Variants in DLC1 observed in about 807,000 individuals in gnomAD.
The protein encoded by DLC1 is DLC1 Rho GTPase activating protein.
In DLC1, 54 loss-of-function variants were observed where a neutral mutation model predicts 140.3. That is an observed-to-expected ratio of 0.38 (90% CI 0.31 to 0.48). The LOEUF is 0.48. Ranked by LOEUF, DLC1 falls within the 20% of genes least tolerant of loss-of-function variation. The probability of loss-of-function intolerance (pLI) is 0.96; values close to 1 mark genes in which losing one functional copy is unlikely to be tolerated. For synonymous variants in DLC1, 986 were observed against 728.1 expected (o/e 1.35, Z -5.70); for missense variants, 2,536 against 1,907.0 (o/e 1.33, Z -6.14).
At chr8:13,443,194 G>C (rs1427243784) in intron 2 of DLC1, among the ~76,000 whole-genome samples, 1 of 150,368 alleles carries the variant, frequency 6.7e-6, no homozygotes, top group African/African-American at 2.5e-5. Flanking sequence ...TCAGACACTG[G>C]GGCCTGTTGT....
chr8:13,309,683 T>G (rs1340402808), intron 4 of DLC1, among the ~76,000 whole-genome samples: 2 of 152,172 alleles, frequency 1.3e-5, no homozygotes, highest in Admixed American at 1.3e-4. Context: ...GTTGATTCTT[T>G]TGGTCTGCTG....
chr8:13,544,627 C>T (rs780194702), intron 1 of DLC1, among the ~76,000 whole-genome samples: 5 of 152,202 alleles, frequency 3.3e-5, no homozygotes, highest in African/African-American at 4.8e-5. Context: ...TGAGAGTAAT[C>T]ATAGAACTTT....
intron 4 of DLC1, among the ~76,000 whole-genome samples, chr8:13,332,591 C>A (rs1341212489): frequency 7.1e-6 from 1 of 141,750 alleles, no homozygotes; most frequent in Non-Finnish European, 1.5e-5. Context: ...CCACCACGCC[C>A]CGCTAATTTT....
At chr8:13,277,384 C>G (rs1043707949) in intron 5 of DLC1, among the ~76,000 whole-genome samples, 3 of 152,210 alleles carry the variant, frequency 2.0e-5, no homozygotes, top group Non-Finnish European at 4.4e-5. Context: ...CACATTTTCT[C>G]TCTAACCATA....
intron 2 of DLC1, among the ~76,000 whole-genome samples, chr8:13,430,612 C>G (rs923043563): frequency 6.6e-6 from 1 of 152,154 alleles, no homozygotes; most frequent in African/African-American, 2.4e-5. Flanking sequence ...ACACTTTCAA[C>G]TTGAAAACAT....
intron 4 of DLC1, among the ~76,000 whole-genome samples, chr8:13,326,068 T>C (rs1356529554): frequency 6.6e-6 from 1 of 152,196 alleles, no homozygotes; most frequent in Non-Finnish European, 1.5e-5. Flanking sequence ...ACCATATAGG[T>C]TTGTGTAAGT....
intron 5 of DLC1, among the ~76,000 whole-genome samples, chr8:13,281,331 G>C (rs933887784): frequency 1.3e-5 from 2 of 152,128 alleles, no homozygotes; most frequent in African/African-American, 4.8e-5. Flanking sequence ...AATCAAGGTG[G>C]CTTGCACTAT....
intron 1 of DLC1, among the ~76,000 whole-genome samples, chr8:13,601,213 G>C (rs1049601727): frequency 2.0e-5 from 3 of 151,722 alleles, no homozygotes; most frequent in Non-Finnish European, 3.0e-5. Flanking sequence ...TCACCAGTAA[G>C]TTAGCTTTTC....
Position 13,209,502 on chromosome 8 carries a change from C to A in DLC1, c.1349-93845G>T, listed in dbSNP as rs532675784. Among the ~76,000 whole-genome samples the A allele has an allele frequency of 2.0e-5, 3 of 152,156 alleles. No homozygotes were observed. In the South Asian group the frequency reaches 6.2e-4, roughly 32 times the overall value. ...TGAGATTATAGAATATGGTATTGCT[C>A]ATAAATAGAAAAAATAGCAAAACCC... On this transcript the variant is annotated intron_variant, in intron 5 of 17. Transcript: ENST00000276297.
intron 5 of DLC1, among the ~76,000 whole-genome samples, chr8:13,179,964 G>T (rs1290748727): frequency 6.6e-6 from 1 of 152,112 alleles, no homozygotes; most frequent in Non-Finnish European, 1.5e-5. Flanking sequence ...TACTTGGTAT[G>T]CCTATTTGAT....
intron 4 of DLC1, among the ~76,000 whole-genome samples, chr8:13,317,664 G>A (rs1008924681): frequency 1.3e-5 from 2 of 152,028 alleles, no homozygotes. Context: ...GGTAGGGAGG[G>A]CCTGAATTAA....
intron 2 of DLC1, among the ~76,000 whole-genome samples, chr8:13,405,717 CTG>C (rs1837499115): frequency 6.6e-6 from 1 of 152,114 alleles, no homozygotes; most frequent in Non-Finnish European, 1.5e-5. Flanking sequence ...TATACAGAAA[CTG>C]TGTTTTGAAA....
At chr8:13,194,188 A>C (rs1009850034) in intron 5 of DLC1, among the ~76,000 whole-genome samples, 1 of 152,174 alleles carries the variant, frequency 6.6e-6, no homozygotes, top group African/African-American at 2.4e-5. Context: ...ACATTTTTCC[A>C]GTAAACTAAG....
chr8:13,329,696 A>G (rs1833507441), intron 4 of DLC1, among the ~76,000 whole-genome samples: 2 of 152,198 alleles, frequency 1.3e-5, no homozygotes, highest in African/African-American at 4.8e-5. Flanking sequence ...ATTATGATTT[A>G]AAATCTTTCT....
chr8:13,385,016 A>G (rs917537711), intron 4 of DLC1, among the ~76,000 whole-genome samples: 2 of 152,196 alleles, frequency 1.3e-5, no homozygotes, highest in Non-Finnish European at 2.9e-5. Context: ...AGAACATCTT[A>G]TAAAGAAGGC....
intron 5 of DLC1, among the ~76,000 whole-genome samples, chr8:13,257,369 C>G (rs1365309858): frequency 1.4e-5 from 2 of 144,526 alleles, no homozygotes; most frequent in Non-Finnish European, 1.5e-5. Context: ...CCCCAGGGTT[C>G]AAGACTACAG....
intron 2 of DLC1, among the ~76,000 whole-genome samples, chr8:13,460,672 G>C (rs1799616318): frequency 6.6e-6 from 1 of 152,180 alleles, no homozygotes; most frequent in Non-Finnish European, 1.5e-5. Context: ...CAAAATAAAG[G>C]GACGCAGATA....
chr8:13,405,917 T>TTTCTTTCTTTC (rs1554514390), intron 2 of DLC1, among the ~76,000 whole-genome samples: 88 of 84,948 alleles, frequency 1.0e-3, no homozygotes, highest in African/African-American at 3.8e-3. Flanking sequence ...CTTTCTTTTC[T>TTTCTTTCTTTC]TTTCTTTCTT....
chr8:13,319,314 T>G (rs2116895350), intron 4 of DLC1, among the ~76,000 whole-genome samples: 1 of 152,298 alleles, frequency 6.6e-6, no homozygotes, highest in East Asian at 1.9e-4. Context: ...TGCCCCGCCC[T>G]CCACTGGCAA....
Sources: gnomAD v4.1 joint callset for allele counts (sites outside exome capture counted in the v4.1 genomes callset) on GRCh38, gnomAD v4.1.1 for gene constraint, MANE v1.5 for transcripts, NCBI Gene and HGNC (gene_info 2026-07-23, HGNC 2026-07-21) for gene names.